PSPC1: variants seen among roughly 807,000 people sequenced by gnomAD.
PSPC1 encodes the protein paraspeckle component 1.
In PSPC1, 14 loss-of-function variants were observed where a neutral mutation model predicts 51.6. That is an observed-to-expected ratio of 0.27 (90% CI 0.18 to 0.42). PSPC1 has a LOEUF of 0.42. Ranked by LOEUF, PSPC1 falls within the 10% of genes least tolerant of loss-of-function variation. The pLI is 1.00. For synonymous variants in PSPC1, 193 were observed against 231.9 expected (o/e 0.83, Z 1.53); for missense variants, 406 against 701.1 (o/e 0.58, Z 4.75).
intron 5 of PSPC1, chr13:19,737,098 T>A (rs1055006227): frequency 2.0e-5 from 3 of 152,180 alleles, no homozygotes; most frequent in Admixed American, 2.0e-4. Flanking sequence ...AGTTCACCCC[T>A]CCTTAGGTAA....
chr13:19,724,715 G>A (rs540525247), intron 6 of PSPC1, among the ~76,000 whole-genome samples: 4 of 152,034 alleles, frequency 2.6e-5, no homozygotes, highest in East Asian at 1.9e-4. Flanking sequence ...TTTGCCGAGC[G>A]TGGGCCGGGC....
chr13:19,773,230 C>T (rs369211810), intron 1 of PSPC1, among the ~76,000 whole-genome samples: 1 of 150,230 alleles, frequency 6.7e-6, no homozygotes, highest in African/African-American at 2.5e-5. Context: ...ATTCTCCATA[C>T]CCTTTATGTT....
At chr13:19,684,283 G>T (rs538926205) in intron 6 of PSPC1, among the ~76,000 whole-genome samples, 1 of 152,236 alleles carries the variant, frequency 6.6e-6, no homozygotes, top group African/African-American at 2.4e-5. Context: ...GCATAATCAA[G>T]GTAAGTTTTT....
At chr13:19,695,511 T>G (rs1879097861) in intron 6 of PSPC1, among the ~76,000 whole-genome samples, 1 of 152,116 alleles carries the variant, frequency 6.6e-6, no homozygotes, top group African/African-American at 2.4e-5. Flanking sequence ...AAAGAAGTAG[T>G]CTTATTTTTC....
chr13:19,728,862 T>G (rs1883695879), intron 6 of PSPC1, among the ~76,000 whole-genome samples: 1 of 152,220 alleles, frequency 6.6e-6, no homozygotes, highest in African/African-American at 2.4e-5. Context: ...ATAGTAACTT[T>G]GTGGTCTATC....
At chr13:19,728,439 AACAC>A (rs56662113) in intron 6 of PSPC1, among the ~76,000 whole-genome samples, 10,343 of 144,102 alleles carry the variant, frequency 0.072, 399 homozygotes, top group African/African-American at 0.11. Context: ...TCAAAGCTTA[AACAC>A]ACACACACAC....
intron 2 of PSPC1, among the ~76,000 whole-genome samples, chr13:19,762,337 C>T (rs1307018801): frequency 2.6e-5 from 4 of 152,156 alleles, no homozygotes; most frequent in African/African-American, 9.7e-5. Context: ...GTGCGTGGAT[C>T]ACGAGGTCAG....
intron 5 of PSPC1, among the ~76,000 whole-genome samples, chr13:19,733,510 T>C (rs753855489): frequency 6.6e-6 from 1 of 151,900 alleles, no homozygotes; most frequent in Non-Finnish European, 1.5e-5. Flanking sequence ...TCTGTAATCC[T>C]AGCACTCTGG....
intron 6 of PSPC1, among the ~76,000 whole-genome samples, chr13:19,688,099 C>T (rs184693651): frequency 2.4e-4 from 36 of 152,172 alleles, no homozygotes; most frequent in African/African-American, 7.2e-4. Flanking sequence ...GATACTACTT[C>T]CCCTTTTGTT....
At chr13:19,676,988 A>G (rs1431099873) in intron 7 of PSPC1, among the ~76,000 whole-genome samples, 1 of 152,208 alleles carries the variant, frequency 6.6e-6, no homozygotes, top group South Asian at 2.1e-4. Context: ...TAATCCCAGC[A>G]CTTTGGGAGG....
chr13:19,677,121 T>A lies in PSPC1; in HGVS notation c.*76+603A>T, dbSNP rs559177516. 4.6e-5 allele frequency among the ~76,000 whole-genome samples: 7 copies of A among 151,570 alleles called. No homozygotes were observed. The East Asian group carries it at 1.4e-3, about 30-fold the overall frequency. On this transcript the variant is annotated intron_variant and NMD_transcript_variant, in intron 7 of 7. Transcript: ENST00000471658. ...GGTGGCAGGCGCCTGTGGTCCCAGC[T>A]ACTCGGGAGGCTGAGGCAGGAGAAT...
intron 4 of PSPC1, among the ~76,000 whole-genome samples, chr13:19,747,515 TAG>T (rs1886116963): frequency 6.6e-6 from 1 of 152,102 alleles, no homozygotes; most frequent in African/African-American, 2.4e-5. Context: ...GTACTTTTGG[TAG>T]AGACGGGGTC....
intron 2 of PSPC1, among the ~76,000 whole-genome samples, chr13:19,760,357 G>A (rs562391970): frequency 2.0e-5 from 3 of 151,898 alleles, no homozygotes; most frequent in East Asian, 1.9e-4. Context: ...GTGAAACCCC[G>A]TTTCTACTAA....
chr13:19,763,826 C>T (rs1317486479), intron 2 of PSPC1, among the ~76,000 whole-genome samples: 1 of 152,024 alleles, frequency 6.6e-6, no homozygotes, highest in Non-Finnish European at 1.5e-5. Flanking sequence ...CATGGTAAAA[C>T]CCCATCTCTA....
At chr13:19,679,908 C>G (rs1469281442) in intron 6 of PSPC1, among the ~76,000 whole-genome samples, 1 of 152,208 alleles carries the variant, frequency 6.6e-6, no homozygotes, top group Non-Finnish European at 1.5e-5. Context: ...CTCAGCTTCT[C>G]AAATATGTGA....
chr13:19,733,436 G>A (rs1884372795), intron 5 of PSPC1, among the ~76,000 whole-genome samples: 1 of 152,088 alleles, frequency 6.6e-6, no homozygotes, highest in Non-Finnish European at 1.5e-5. Context: ...AGGATCACTT[G>A]AGTGACAGCC....
Position 19,715,504 on chromosome 13 carries a change from A to G in PSPC1, c.1159-5905T>C, listed in dbSNP as rs1881983712. 3.3e-5 allele frequency among the ~76,000 whole-genome samples: 5 copies of G among 152,186 alleles called. No homozygotes were observed. In the South Asian group the frequency reaches 1.0e-3, roughly 32 times the overall value. On this transcript the variant is annotated intron_variant, in intron 6 of 8. Transcript: ENST00000338910. ...CTCCAAAATCCAAAACTTTTTAAAC[A>G]CCAACACGATGCCCAAAGTGGAAGA...
At chr13:19,707,919 T>A (rs1880907185) in intron 7 of PSPC1, among the ~76,000 whole-genome samples, 1 of 150,586 alleles carries the variant, frequency 6.6e-6, no homozygotes, top group African/African-American at 2.5e-5. Context: ...GCATTTACTC[T>A]TAAAAAAAGA....
intron 6 of PSPC1, among the ~76,000 whole-genome samples, chr13:19,710,117 T>G (rs1210049286): frequency 6.6e-6 from 1 of 151,356 alleles, no homozygotes; most frequent in African/African-American, 2.4e-5. Context: ...TTCATGTATT[T>G]GTATTCATCT....
Sources: allele counts gnomAD v4.1 joint callset (sites outside exome capture counted in the v4.1 genomes callset), GRCh38; gene constraint gnomAD v4.1.1; transcripts MANE v1.5; gene names NCBI Gene and HGNC (gene_info 2026-07-23, HGNC 2026-07-21).